Variants in CEP112 observed in about 807,000 individuals in gnomAD.
CEP112 encodes centrosomal protein 112, also known as centrosomal protein of 112 kDa.
CEP112 carries 127 observed loss-of-function variants against 153.0 expected under a neutral mutation model. The ratio of observed to expected loss-of-function variants is 0.83; its 90% CI spans 0.72 to 0.96. The LOEUF (loss-of-function observed/expected upper bound fraction) is 0.96. CEP112 is among the 40% of genes least tolerant of loss of function. CEP112 has a pLI of 0.00. For missense variants in CEP112, 1,089 were observed against 1,101.2 expected (o/e 0.99, Z 0.16); for synonymous variants, 358 against 374.4 (o/e 0.96, Z 0.51).
chr17:65,919,227 A>T (rs1240548541), intron 19 of CEP112, among the ~76,000 whole-genome samples: 4 of 152,186 alleles, frequency 2.6e-5, no homozygotes, highest in Admixed American at 2.6e-4. Flanking sequence ...TTGTTTTAAT[A>T]GGAATGTTAC....
At chr17:65,642,781 G>T (rs1419735618) in intron 24 of CEP112, among the ~76,000 whole-genome samples, 2 of 151,872 alleles carry the variant, frequency 1.3e-5, no homozygotes, top group Non-Finnish European at 2.9e-5. Context: ...CAGACCTCAG[G>T]GTAACATTTA....
intron 23 of CEP112, among the ~76,000 whole-genome samples, chr17:65,707,700 C>T (rs996191840): frequency 6.6e-6 from 1 of 152,072 alleles, no homozygotes; most frequent in Non-Finnish European, 1.5e-5. Flanking sequence ...TTGTCAGGAA[C>T]GTATAAGCAT....
At chr17:66,073,693 A>C (rs189883233) in intron 8 of CEP112, among the ~76,000 whole-genome samples, 3 of 152,340 alleles carry the variant, frequency 2.0e-5, no homozygotes, top group African/African-American at 7.2e-5. Flanking sequence ...CCTCAGAAAG[A>C]TAGTTTGTAA....
chr17:65,776,378 G>T (rs2053679054), intron 21 of CEP112, among the ~76,000 whole-genome samples: 1 of 152,170 alleles, frequency 6.6e-6, no homozygotes, highest in Non-Finnish European at 1.5e-5. Flanking sequence ...GGGACTACAG[G>T]TGCCTGCCAC....
chr17:66,129,786 T>A lies in CEP112; in HGVS notation c.602A>T (p.Asp201Val). The A allele has an allele frequency of 6.2e-7, 1 of 1,612,368 alleles. No homozygotes were observed. The highest frequency in any genetic ancestry group is 1.1e-5 in the South Asian group (1 of 90,780). Residue 201 changes from aspartate to valine, a missense_variant, in exon 6 of 27, where the codon GAT becomes GTT. Coordinates refer to ENST00000535342, the MANE Select transcript of CEP112 (RefSeq NM_001199165.4). ...ATTAAGGCGAGCTTCAATGTCACTA[T>A]CATCCAAAGAAACAGGAGATTTTTT... ...YSKKSPVSLD[D>V]SDIEARLNSW...
At chr17:66,066,903 G>A in intron 9 of CEP112, 26 bp from the exon 10 acceptor site, 1 of 1,410,362 alleles carries the variant, frequency 7.1e-7, no homozygotes, top group African/African-American at 1.5e-5. Flanking sequence ...AAATATTTCA[G>A]TATATTGTAC....
At chr17:65,978,229 C>T (rs986297021) in intron 17 of CEP112, among the ~76,000 whole-genome samples, 22 of 150,094 alleles carry the variant, frequency 1.5e-4, no homozygotes, top group African/African-American at 5.4e-4. Context: ...ACACTCCAGC[C>T]TGGGTGACAG....
At chr17:65,986,753 C>T (rs1296087695) in intron 17 of CEP112, among the ~76,000 whole-genome samples, 1 of 152,124 alleles carries the variant, frequency 6.6e-6, no homozygotes, top group African/African-American at 2.4e-5. Context: ...AGAGTTTCTA[C>T]AGGTAAAATA....
At chr17:65,909,057 T>C (rs906738946) in intron 19 of CEP112, among the ~76,000 whole-genome samples, 1 of 152,090 alleles carries the variant, frequency 6.6e-6, no homozygotes. Flanking sequence ...TTTAAAGAAA[T>C]AGAAAAGGAG....
intron 21 of CEP112, among the ~76,000 whole-genome samples, chr17:65,848,947 C>CTGCT (rs1373023010): frequency 3.3e-5 from 5 of 152,182 alleles, no homozygotes; most frequent in African/African-American, 1.2e-4. Context: ...TTGTTACCTC[C>CTGCT]TGCTGCTGCT....
intron 20 of CEP112, among the ~76,000 whole-genome samples, chr17:65,891,209 A>G (rs1220877762): frequency 3.9e-5 from 6 of 152,208 alleles, no homozygotes; most frequent in African/African-American, 1.4e-4. Context: ...AGGTTTATAG[A>G]GCCAGTAAAT....
chr17:65,966,593 G>A (rs985260320), intron 17 of CEP112, among the ~76,000 whole-genome samples: 1 of 152,192 alleles, frequency 6.6e-6, no homozygotes, highest in Non-Finnish European at 1.5e-5. Flanking sequence ...TTCCAGCTGG[G>A]CTGGAAAACA....
intron 23 of CEP112, among the ~76,000 whole-genome samples, chr17:65,711,024 C>G (rs1035947137): frequency 6.6e-6 from 1 of 152,166 alleles, no homozygotes; most frequent in Non-Finnish European, 1.5e-5. Context: ...CAGCATGGCT[C>G]GTTGGTGGCG....
At chr17:65,867,913 G>A (rs1199283845) in intron 20 of CEP112, among the ~76,000 whole-genome samples, 6 of 130,770 alleles carry the variant, frequency 4.6e-5, no homozygotes, top group African/African-American at 1.4e-4. Context: ...GTCACCCATG[G>A]CTATTTTTTC....
At chr17:66,055,061 A>G (rs28419707) in intron 11 of CEP112, among the ~76,000 whole-genome samples, 86,611 of 151,932 alleles carry the variant, frequency 0.57, 25,846 homozygotes, top group African/African-American at 0.67. Context: ...CCTGGCCCCA[A>G]ATAATACATT....
rs1480848659 is a variant in CEP112, at chr17:65,869,773, G to A, written c.2164-17739C>T. On this transcript the variant is annotated intron_variant, in intron 20 of 26. Coordinates refer to ENST00000535342, the MANE Select transcript of CEP112 (RefSeq NM_001199165.4). ...TAAATTTTTTTGTATTTTTAGTAGA[G>A]ACAGGGTTTCACCGTGTTAGCCAGG... Among the ~76,000 whole-genome samples, 3 of 151,884 alleles carry A rather than the reference G, an allele frequency of 2.0e-5. No individual in the cohort carries two copies. In the East Asian group the frequency reaches 5.8e-4, roughly 30 times the overall value.
At chr17:65,823,531 AAG>A (rs1335251033) in intron 21 of CEP112, among the ~76,000 whole-genome samples, 1 of 152,212 alleles carries the variant, frequency 6.6e-6, no homozygotes, top group Non-Finnish European at 1.5e-5. Context: ...ACAGACCAAA[AAG>A]TAAAACCTGA....
chr17:66,083,613 C>T (rs2067806824), intron 8 of CEP112, among the ~76,000 whole-genome samples: 1 of 152,150 alleles, frequency 6.6e-6, no homozygotes, highest in Non-Finnish European at 1.5e-5. Flanking sequence ...CTTTGGGAGG[C>T]CAAGGTGGGC....
intron 17 of CEP112, among the ~76,000 whole-genome samples, chr17:65,984,074 T>A (rs2063319510): frequency 6.6e-6 from 1 of 152,226 alleles, no homozygotes; most frequent in Non-Finnish European, 1.5e-5. Context: ...AGTAATGCTA[T>A]CATTATCTTT....
Sources: gnomAD v4.1 joint callset for allele counts (sites outside exome capture counted in the v4.1 genomes callset) on GRCh38, gnomAD v4.1.1 for gene constraint, MANE v1.5 for transcripts, NCBI Gene and HGNC (gene_info 2026-07-23, HGNC 2026-07-21) for gene names.